ARHGEF37: variants seen among roughly 807,000 people sequenced by gnomAD.
The protein encoded by ARHGEF37 is Rho guanine nucleotide exchange factor (GEF) 37.
ARHGEF37 carries 55 observed loss-of-function variants against 71.1 expected under a neutral mutation model. That is an observed-to-expected ratio of 0.77 (90% confidence interval 0.62 to 0.97). The LOEUF is 0.97. ARHGEF37 is among the 50% of genes least tolerant of loss of function. ARHGEF37 has a pLI of 0.00. For missense variants in ARHGEF37, 765 were observed against 836.8 expected (o/e 0.91, Z 1.06); for synonymous variants, 327 against 350.6 (o/e 0.93, Z 0.75).
In ARHGEF37 at chr5:149,633,084, G is replaced by A. The variant is rs1180299565; in HGVS notation, c.*893G>A. ...AGGGGAGCCAGGGGGAACCCCCAGT[G>A]GTTTCAGGTGGCCCCTGAGGTCCTG... On this transcript the variant is annotated 3_prime_UTR_variant, in exon 13 of 13. Coordinates refer to ENST00000333677, the MANE Select transcript of ARHGEF37 (RefSeq NM_001001669.3). 1 of 152,648 alleles carries A rather than the reference G, an allele frequency of 6.6e-6. No homozygotes were observed. The highest frequency in any genetic ancestry group is 2.4e-5 in the African/African-American group (1 of 41,472). 9.5% of individuals were successfully genotyped at this position (152,648 alleles called of 1,614,324 possible). A position where few individuals can be genotyped will look rare whatever the true frequency, so the allele number is the denominator to read the frequency against.
At chr5:149,566,442 G>A (rs1762899396) in intron 1 of ARHGEF37, among the ~76,000 whole-genome samples, 1 of 152,056 alleles carries the variant, frequency 6.6e-6, no homozygotes, top group Admixed American at 6.6e-5. Flanking sequence ...AAGTTGCAGT[G>A]AGCCAAGATT....
chr5:149,623,701 C>T (rs1046247472), intron 9 of ARHGEF37, among the ~76,000 whole-genome samples: 1 of 152,164 alleles, frequency 6.6e-6, no homozygotes, highest in Non-Finnish European at 1.5e-5. Flanking sequence ...TGTGGCCTGT[C>T]CCTGTGGAGC....
At chr5:149,584,209 T>G (rs557317633) in intron 1 of ARHGEF37, among the ~76,000 whole-genome samples, 41 of 152,266 alleles carry the variant, frequency 2.7e-4, no homozygotes, top group African/African-American at 8.9e-4. Flanking sequence ...AAAAAAACTG[T>G]GTTGTCTCCT....
chr5:149,552,390 AC>A lies in ARHGEF37; in HGVS notation c.-12+269del, dbSNP rs76903554. 0.016 allele frequency among the ~76,000 whole-genome samples: 2,461 copies of A among 152,242 alleles called. 270 individuals carry two copies. The East Asian group carries it at 0.32, about 20-fold the overall frequency. On this transcript the variant is annotated intron_variant, in intron 1 of 2. Coordinates refer to the ARHGEF37 transcript ENST00000505810. ...AAATCGATCAGAGAATCAAATTTTG[AC>A]CACGTTTTGTTTTACAAAATTTGAC...
intron 1 of ARHGEF37, among the ~76,000 whole-genome samples, chr5:149,585,875 A>G (rs1264927683): frequency 2.0e-5 from 3 of 152,224 alleles, no homozygotes; most frequent in African/African-American, 7.2e-5. Context: ...ACCTGAACTC[A>G]AACTTTTTGG....
intron 3 of ARHGEF37, among the ~76,000 whole-genome samples, chr5:149,603,081 C>A (rs1763806407): frequency 1.3e-5 from 2 of 151,788 alleles, no homozygotes; most frequent in African/African-American, 4.8e-5. Context: ...TACAGGCGCC[C>A]GCCACCACAC....
intron 1 of ARHGEF37, among the ~76,000 whole-genome samples, chr5:149,596,026 C>T (rs1763535647): frequency 6.7e-6 from 1 of 150,248 alleles, no homozygotes; most frequent in Admixed American, 6.7e-5. Context: ...AGGAGCTTGT[C>T]TCCTATTCCT....
intron 1 of ARHGEF37, among the ~76,000 whole-genome samples, chr5:149,571,494 G>A (rs1239553800): frequency 4.6e-5 from 7 of 152,244 alleles, no homozygotes; most frequent in Non-Finnish European, 8.8e-5. Context: ...GAAGACCTAC[G>A]TAAATGGGGA....
At chr5:149,570,305 G>A (rs1762946901) in intron 1 of ARHGEF37, among the ~76,000 whole-genome samples, 2 of 152,248 alleles carry the variant, frequency 1.3e-5, no homozygotes, top group Non-Finnish European at 2.9e-5. Context: ...CGGGTGCAGT[G>A]GCTCACACCT....
intron 1 of ARHGEF37, among the ~76,000 whole-genome samples, chr5:149,555,730 A>G (rs1762745447): frequency 6.6e-6 from 1 of 152,146 alleles, no homozygotes; most frequent in Non-Finnish European, 1.5e-5. Context: ...ACTACTACCA[A>G]AAGAAAGAGA....
Position 149,601,184 on chromosome 5 carries a change from A to T in ARHGEF37, c.263A>T (p.Asp88Val), listed in dbSNP as rs763918137. ...IIKVNSRFLH[D>V]LQETASKEEE... is the part of the protein sequence containing the mutation. ...AAAGTGAACAGCAGATTCCTCCATG[A>T]TCTGCAGGAGACAGCCTCCAAGGAA... is the stretch of plus-strand genomic sequence containing the variant. The change falls in exon 3 of 13, where the codon GAT (aspartate) becomes GTT (valine). Residue 88 changes from aspartate (D) to valine (V), a missense_variant. Physicochemically the swap from Asp to Val is radical, Grantham distance 152. This residue lies in a region of ARHGEF37 where 201 missense variants were observed against 217.5 expected (regional missense o/e 0.92). Coordinates refer to ENST00000333677, the MANE Select transcript of ARHGEF37 (RefSeq NM_001001669.3). 2.2e-5 allele frequency: 36 copies of T among 1,613,370 alleles called. No homozygotes were observed. The highest frequency in any genetic ancestry group is 1.9e-4 in the South Asian group (17 of 91,012).
chr5:149,600,991 G>A (rs1021806210), intron 2 of ARHGEF37, 117 bp from the exon 3 acceptor site: 2 of 1,226,986 alleles, frequency 1.6e-6, no homozygotes, highest in Middle Eastern at 2.5e-4. Context: ...CACTGGGGCA[G>A]CCAATCTTCT....
At chr5:149,589,812 C>T (rs2113283784) in intron 1 of ARHGEF37, among the ~76,000 whole-genome samples, 1 of 152,072 alleles carries the variant, frequency 6.6e-6, no homozygotes, top group Non-Finnish European at 1.5e-5. Context: ...AGCCACCATG[C>T]CCGGCCGCCT....
chr5:149,619,807 C>T lies in ARHGEF37; in HGVS notation c.895-547C>T, dbSNP rs377360482. ...ACGCACTGCTGGGTGCAGTGGCTTA[C>T]GCCTGTAATCCCAGAATTTTGGAAG... On this transcript the variant is annotated intron_variant, in intron 7 of 12. Coordinates refer to ENST00000333677, the MANE Select transcript of ARHGEF37 (RefSeq NM_001001669.3). Among the ~76,000 whole-genome samples, 840 of 152,242 alleles carry T rather than the reference C, an allele frequency of 5.5e-3. 8 individuals carry two copies. Among genetic ancestry groups the T allele is most frequent in the Non-Finnish European group, 8.9e-3 (608 of 68,022 alleles).
intron 1 of ARHGEF37, among the ~76,000 whole-genome samples, chr5:149,560,687 C>T (rs987169800): frequency 6.6e-6 from 1 of 151,558 alleles, no homozygotes; most frequent in African/African-American, 2.4e-5. Flanking sequence ...CTTTGGAGGG[C>T]GAGGGGGCAG....
In ARHGEF37 at chr5:149,618,232, A is replaced by T. The variant is rs753770249; in HGVS notation, c.715A>T (p.Asn239Tyr). The T allele has an allele frequency of 5.0e-6, 8 of 1,614,192 alleles. No homozygotes were observed. The South Asian group carries it at 8.8e-5, about 18-fold the overall frequency. ...CCTCCGGGAGCGGCTGGCCCGCATCAACACACACACCCTCTCCAAGAAGAC... is the reference window on the plus strand; with the variant it reads ...CCTCCGGGAGCGGCTGGCCCGCATCTACACACACACCCTCTCCAAGAAGAC... ...LTLRERLARI[N>Y]THTLSKKTTR... Residue 239 changes from asparagine to tyrosine, a missense_variant, in exon 6 of 13, where the codon AAC (asparagine) becomes TAC (tyrosine). Coordinates refer to ENST00000333677, the MANE Select transcript of ARHGEF37 (RefSeq NM_001001669.3).
At chr5:149,611,887 T>C (rs1005404807) in intron 4 of ARHGEF37, among the ~76,000 whole-genome samples, 1 of 152,076 alleles carries the variant, frequency 6.6e-6, no homozygotes, top group Non-Finnish European at 1.5e-5. Flanking sequence ...CTTCTACCTA[T>C]ATATGTAACT....
At chr5:149,562,518 G>C (rs1173174021) in intron 1 of ARHGEF37, among the ~76,000 whole-genome samples, 1 of 151,954 alleles carries the variant, frequency 6.6e-6, no homozygotes, top group African/African-American at 2.4e-5. Flanking sequence ...GCGCGATCTC[G>C]GCTCACTGCA....
chr5:149,554,819 AGC>A lies in ARHGEF37; in HGVS notation c.-12+2697_-12+2698del, dbSNP rs572665429. 2.6e-4 allele frequency among the ~76,000 whole-genome samples: 39 copies of A among 152,234 alleles called. 1 individual carries two copies. In the East Asian group the frequency reaches 7.4e-3, roughly 29 times the overall value. On this transcript the variant is annotated intron_variant, in intron 1 of 2. Transcript: ENST00000505810. ...ATCATTCTGTACTTATTGAATCAGC[AGC>A]AGCTTTGGTGTAATGAAAGGAGTCT...
Sources: gnomAD v4.1 joint callset for allele counts (sites outside exome capture counted in the v4.1 genomes callset) on GRCh38, gnomAD v4.1.1 for gene constraint, gnomAD v4.1.1 regional missense constraint, MANE v1.5 for transcripts, NCBI Gene and HGNC (gene_info 2026-07-23, HGNC 2026-07-21) for gene names.